The following TRAPPC2L variants were observed in gnomAD, a reference collection of about 807,000 sequenced individuals.
The protein encoded by TRAPPC2L is trafficking protein particle complex subunit 2L.
A neutral mutation model predicts 13.2 loss-of-function variants in TRAPPC2L; 17 were observed. That is an observed-to-expected ratio of 1.29 (90% confidence interval 0.88 to 1.93). The LOEUF (loss-of-function observed/expected upper bound fraction) is 1.93. Ranked by LOEUF, TRAPPC2L falls within the 30% of genes most tolerant of loss-of-function variation. The pLI, the probability that TRAPPC2L is intolerant of heterozygous loss-of-function variation, is 0.00. For missense variants in TRAPPC2L, 359 were observed against 252.1 expected, an observed-to-expected ratio of 1.42 and a Z score of -2.87; for synonymous variants, 150 against 98.1, an observed-to-expected ratio of 1.53 and a Z score of -3.12.
At chr16:88,856,307 G>T (rs1242493668), upstream of TRAPPC2L, 6 of 702,852 alleles carry the variant, frequency 8.5e-6, no homozygotes, top group Admixed American at 1.2e-4. Context: ...GATTCCTAGG[G>T]CGACGCAGCT....
intron 2 of TRAPPC2L, chr16:88,859,047 G>A (rs9927684): frequency 3.8e-6 from 2 of 528,942 alleles, no homozygotes; most frequent in South Asian, 4.3e-5. Context: ...TGCAGAGGAA[G>A]TGGGACACTT....
At chr16:88,861,285 C>T in exon 4 of TRAPPC2L, 1 of 408,938 alleles carries the variant, frequency 2.4e-6, no homozygotes, top group Non-Finnish European at 4.6e-6. Context: ...CCTGAGCCTG[C>T]AGGACCTGTG....
At chr16:88,856,979 G>T, upstream of TRAPPC2L, 1 of 1,394,582 alleles carries the variant, frequency 7.2e-7, no homozygotes, top group South Asian at 1.6e-5. Flanking sequence ...ACGGCCACGT[G>T]ACTCGCGGGG....
chr16:88,858,538 C>T (rs1271463018), intron 1 of TRAPPC2L, 81 bp from the exon 2 acceptor site: 10 of 1,505,420 alleles, frequency 6.6e-6, no homozygotes, highest in Non-Finnish European at 8.1e-6. Flanking sequence ...GGCTGCAGGT[C>T]ACGGCTCTGC....
chr16:88,856,302 C>T (rs1473515515), upstream of TRAPPC2L: 1 of 702,678 alleles, frequency 1.4e-6, no homozygotes, highest in African/African-American at 1.7e-5. Context: ...GGAGTGATTC[C>T]TAGGGCGACG....
At chr16:88,856,833 C>A (rs761858336), upstream of TRAPPC2L, 3 of 1,523,242 alleles carry the variant, frequency 2.0e-6, no homozygotes, top group African/African-American at 4.3e-5. Flanking sequence ...CGCTGAGCAC[C>A]AGCAACAGCT....
chr16:88,859,952 G>T (rs370429481), exon 4 of TRAPPC2L: 15 of 1,513,816 alleles, frequency 9.9e-6, no homozygotes, highest in Non-Finnish European at 1.3e-5. Flanking sequence ...TCTACAACCC[G>T]GGGGACCGCA....
exon 4 of TRAPPC2L, chr16:88,862,452 G>C (rs1293457073): frequency 6.6e-6 from 1 of 152,192 alleles, no homozygotes; most frequent in East Asian, 1.9e-4. Context: ...CCTTCTTCCT[G>C]CCTGGAACAT....
At position 88,860,906 on chromosome 16, in the gene TRAPPC2L, C is replaced by T. The variant is rs187998146; in HGVS notation, c.*582C>T. 146 of 1,590,304 alleles carry T rather than the reference C, an allele frequency of 9.2e-5. No individual in the cohort carries two copies. In the African/African-American group the frequency reaches 1.4e-3, roughly 15 times the overall value. ...CTCTCCTCTGAGTGGGTCTGTTTCT[C>T]TTAGCAGGGCCTTTGATAACATGGT... On this transcript the variant is annotated 3_prime_UTR_variant, in exon 4 of 4. Coordinates refer to ENST00000565504, the Ensembl canonical transcript of TRAPPC2L.
chr16:88,856,804 G>A (rs770057057), upstream of TRAPPC2L: 4 of 1,530,758 alleles, frequency 2.6e-6, no homozygotes, highest in Non-Finnish European at 3.5e-6. Flanking sequence ...CGGGGCGCCC[G>A]AGGCCCCCAT....
chr16:88,861,591 C>G (rs1018840343), exon 4 of TRAPPC2L: 1 of 474,298 alleles, frequency 2.1e-6, no homozygotes, highest in Non-Finnish European at 4.4e-6. Context: ...GGCACCCCCT[C>G]CTGCCTGTTG....
exon 4 of TRAPPC2L, chr16:88,861,007 G>T: frequency 6.5e-7 from 1 of 1,548,270 alleles, no homozygotes; most frequent in East Asian, 2.3e-5. Context: ...CACGACTGTG[G>T]TGGGGCCGTC....
upstream of TRAPPC2L, chr16:88,856,915 C>T (rs1400904848): frequency 9.4e-6 from 14 of 1,487,838 alleles, no homozygotes; most frequent in South Asian, 1.3e-5. Context: ...GCCAGCGAGC[C>T]GACCTAGCGA....
exon 4 of TRAPPC2L, chr16:88,860,816 C>G: frequency 2.2e-6 from 3 of 1,362,570 alleles, no homozygotes; most frequent in Non-Finnish European, 3.0e-6. Flanking sequence ...GAGAAGGTCC[C>G]GAGCATCCTG....
chr16:88,856,685 C>A (rs1442325508), upstream of TRAPPC2L: 23 of 570,202 alleles, frequency 4.0e-5, no homozygotes, highest in Non-Finnish European at 7.1e-5. Context: ...TCCCCCACCT[C>A]GCTCCTCCCT....
At chr16:88,858,048 A>C (rs1238644399) in intron 1 of TRAPPC2L, among the ~76,000 whole-genome samples, 2 of 152,056 alleles carry the variant, frequency 1.3e-5, no homozygotes, top group African/African-American at 4.8e-5. Context: ...GGTAGCGAGG[A>C]CTCTTGTTCA....
rs1968137115 is a variant in TRAPPC2L, at chr16:88,858,479, T to C, written c.34-140T>C. ...CCTGAAGGCAGTGCCCACTGCGGCA[T>C]AGAGAATGAAGCGGTGGGCCTTAGA... On this transcript the variant is annotated intron_variant, in intron 1 of 3. Transcript: ENST00000565504. The C allele has an allele frequency of 2.4e-6, 2 of 837,362 alleles. 1 individual carries two copies. Among genetic ancestry groups the C allele is most frequent in the South Asian group, 3.5e-5 (2 of 56,420 alleles). The allele number at this position is 837,362 out of a possible 1,614,324, so 51.9% of individuals were successfully genotyped here.
chr16:88,860,277 C>T (rs1428138104), exon 4 of TRAPPC2L: 6 of 701,164 alleles, frequency 8.6e-6, no homozygotes, highest in African/African-American at 5.2e-5. Flanking sequence ...GGGCCAAGCA[C>T]ATGGGCAGTG....
upstream of TRAPPC2L, chr16:88,856,641 C>T: frequency 2.9e-6 from 1 of 349,680 alleles, no homozygotes; most frequent in Admixed American, 3.3e-5. Context: ...CCCAAGGGGC[C>T]TCCCCTCACC....
Sources: gnomAD v4.1 joint callset for allele counts (sites outside exome capture counted in the v4.1 genomes callset) on GRCh38, gnomAD v4.1.1 for gene constraint, MANE v1.5 for transcripts, NCBI Gene and HGNC (gene_info 2026-07-23, HGNC 2026-07-21) for gene names.